Variants in ARHGEF3 observed in about 807,000 individuals in gnomAD.
ARHGEF3 encodes the protein Rho guanine nucleotide exchange factor 3.
A neutral mutation model predicts 63.2 loss-of-function variants in ARHGEF3; 28 were observed. The observed-to-expected ratio is 0.44, with a 90% confidence interval of 0.33 to 0.61. The LOEUF is 0.61. Among genes scored for constraint, ARHGEF3 ranks in the 20% least tolerant of loss-of-function variants. ARHGEF3 has a pLI of 0.03. For missense variants in ARHGEF3, 533 were observed against 659.3 expected (o/e 0.81, Z 2.10); for synonymous variants, 266 against 254.2 (o/e 1.05, Z -0.44).
intron 1 of ARHGEF3, among the ~76,000 whole-genome samples, chr3:57,059,712 A>T (rs7630987): frequency 0.87 from 132,601 of 152,208 alleles, 57,844 homozygotes; most frequent in East Asian, 0.96. Flanking sequence ...AAAGACGAAG[A>T]GGGGCTGGGT....
chr3:57,001,435 C>G (rs868864983), intron 2 of ARHGEF3, among the ~76,000 whole-genome samples: 1 of 152,298 alleles, frequency 6.6e-6, no homozygotes, highest in Non-Finnish European at 1.5e-5. Context: ...AGCATGCAGC[C>G]ATTCTTGTTC....
intron 7 of ARHGEF3, 116 bp from the exon 8 acceptor site, chr3:56,737,471 C>A: frequency 1.5e-6 from 1 of 686,512 alleles, no homozygotes; most frequent in East Asian, 2.9e-5. Context: ...ACTCTGTTAT[C>A]TAAGTTGCTA....
chr3:57,049,571 G>A (rs1704590937), intron 1 of ARHGEF3, among the ~76,000 whole-genome samples: 1 of 152,126 alleles, frequency 6.6e-6, no homozygotes, highest in South Asian at 2.1e-4. Flanking sequence ...CTACAGGGAT[G>A]CAGAATGTTC....
chr3:56,879,648 CT>C (rs11383627), intron 4 of ARHGEF3, among the ~76,000 whole-genome samples: 87 of 146,260 alleles, frequency 5.9e-4, no homozygotes, highest in Non-Finnish European at 6.2e-4. Context: ...TGGGACCCAC[CT>C]TTTTTTTTTT....
At chr3:56,996,331 T>C (rs944071030) in intron 2 of ARHGEF3, among the ~76,000 whole-genome samples, 9 of 152,280 alleles carry the variant, frequency 5.9e-5, no homozygotes, top group Middle Eastern at 3.4e-3. Context: ...ATCTCAAATA[T>C]AGTTATTCCT....
intron 3 of ARHGEF3, among the ~76,000 whole-genome samples, chr3:56,920,774 C>T (rs561227115): frequency 2.7e-4 from 41 of 152,282 alleles, no homozygotes; most frequent in Middle Eastern, 3.4e-3. Context: ...TGGCCAAGGC[C>T]GGGCACGATG....
intron 4 of ARHGEF3, among the ~76,000 whole-genome samples, chr3:56,824,833 T>C (rs1486571350): frequency 6.6e-6 from 1 of 152,246 alleles, no homozygotes; most frequent in Non-Finnish European, 1.5e-5. Context: ...AGTTCATTTA[T>C]AGCCCATCAT....
At chr3:56,992,375 T>TAAAAAAAAAAAAAAAAAAA (rs57740672) in intron 2 of ARHGEF3, among the ~76,000 whole-genome samples, 2 of 46,152 alleles carry the variant, frequency 4.3e-5, no homozygotes, top group South Asian at 7.1e-4. Context: ...AGGATGGCTT[T>TAAAAAAAAAAAAAAAAAAA]AAAAAAAAAA....
chr3:56,894,460 T>C (rs1040268862), intron 3 of ARHGEF3, among the ~76,000 whole-genome samples: 1 of 152,152 alleles, frequency 6.6e-6, no homozygotes, highest in Non-Finnish European at 1.5e-5. Flanking sequence ...AATGATATTT[T>C]ATGTACTGTA....
intron 4 of ARHGEF3, among the ~76,000 whole-genome samples, chr3:56,822,437 C>T (rs1020732225): frequency 2.0e-5 from 3 of 152,028 alleles, no homozygotes; most frequent in African/African-American, 7.2e-5. Flanking sequence ...ACTGATGAAG[C>T]CAAGCAAAAT....
intron 3 of ARHGEF3, among the ~76,000 whole-genome samples, chr3:56,934,513 A>G (rs35760104): frequency 0.1 from 15,700 of 152,064 alleles, 1,123 homozygotes; most frequent in Non-Finnish European, 0.15. Context: ...CTGGCGGGCC[A>G]GCTGGAGTTC....
At chr3:56,820,799 G>A (rs1311471189) in intron 4 of ARHGEF3, among the ~76,000 whole-genome samples, 1 of 152,156 alleles carries the variant, frequency 6.6e-6, no homozygotes, top group Non-Finnish European at 1.5e-5. Context: ...ATGCAACTTT[G>A]GACTGAATAT....
intron 4 of ARHGEF3, among the ~76,000 whole-genome samples, chr3:56,864,078 G>C (rs1054672922): frequency 3.9e-5 from 6 of 152,092 alleles, no homozygotes; most frequent in African/African-American, 1.4e-4. Context: ...AGAAAACTAA[G>C]GCAGCTTTCT....
At chr3:57,055,255 A>G (rs1377899637) in intron 1 of ARHGEF3, among the ~76,000 whole-genome samples, 3 of 147,012 alleles carry the variant, frequency 2.0e-5, no homozygotes, top group African/African-American at 5.1e-5. Flanking sequence ...TCTGCCTCCC[A>G]GGTTCAAGCG....
chr3:56,745,998 T>C (rs1204137575), intron 6 of ARHGEF3, among the ~76,000 whole-genome samples: 2 of 152,210 alleles, frequency 1.3e-5, no homozygotes, highest in Admixed American at 1.3e-4. Context: ...CTTAAAGACT[T>C]TGGAACATTT....
chr3:56,909,524 C>T (rs576359404), intron 3 of ARHGEF3, among the ~76,000 whole-genome samples: 1 of 152,342 alleles, frequency 6.6e-6, no homozygotes, highest in South Asian at 2.1e-4. Flanking sequence ...AAGCATTTAA[C>T]AGCCTTGCAC....
intron 4 of ARHGEF3, among the ~76,000 whole-genome samples, chr3:56,830,002 A>C (rs567401086): frequency 6.6e-6 from 1 of 152,380 alleles, no homozygotes; most frequent in East Asian, 1.9e-4. Context: ...ATGTCCTATA[A>C]GGAAAATACT....
At chr3:56,755,723 A>G (rs2035032223) in intron 2 of ARHGEF3, among the ~76,000 whole-genome samples, 1 of 152,162 alleles carries the variant, frequency 6.6e-6, no homozygotes. Flanking sequence ...GAAAGGAGGA[A>G]AGAGTATTCC....
intron 1 of ARHGEF3, among the ~76,000 whole-genome samples, chr3:56,778,799 T>C (rs1054611600): frequency 6.6e-6 from 1 of 152,218 alleles, no homozygotes; most frequent in Non-Finnish European, 1.5e-5. Context: ...CTTCCCAAAG[T>C]GCTGGGGATT....
Sources: gnomAD v4.1 joint callset for allele counts (sites outside exome capture counted in the v4.1 genomes callset) on GRCh38, gnomAD v4.1.1 for gene constraint, MANE v1.5 for transcripts, NCBI Gene and HGNC (gene_info 2026-07-23, HGNC 2026-07-21) for gene names.